NAALADL1: variants seen among roughly 807,000 people sequenced by gnomAD.
NAALADL1 encodes N-acetylated alpha-linked acidic dipeptidase like 1, also known as aminopeptidase NAALADL1.
NAALADL1 carries 77 observed loss-of-function variants against 82.8 expected under a neutral mutation model. That is an observed-to-expected ratio of 0.93 (90% CI 0.77 to 1.12). The LOEUF is 1.12. Ranked by LOEUF, NAALADL1 falls within the 50% of genes most tolerant of loss-of-function variation. The pLI is 0.00. For synonymous variants in NAALADL1, 358 were observed against 399.2 expected (o/e 0.90, Z 1.23); for missense variants, 956 against 964.0 (o/e 0.99, Z 0.11).
chr11:65,058,090 C>A lies in NAALADL1; in HGVS notation c.346G>T (p.Val116Phe). 6.2e-7 allele frequency: 1 copy of A among 1,611,312 alleles called. No individual in the cohort carries two copies. Among genetic ancestry groups the A allele is most frequent in the Non-Finnish European group, 8.5e-7 (1 of 1,178,022 alleles). The change falls in exon 2 of 18, where the codon GTC (valine) becomes TTC (phenylalanine). Residue 116 changes from valine (V) to phenylalanine (F), a missense_variant. Val to Phe is a conservative substitution (Grantham distance 50). Transcript: ENST00000358658. ...LSFPSQEQPNVVDIVGPTGGI... is the reference protein window; with the variant it reads ...LSFPSQEQPNFVDIVGPTGGI... ...GGCAGGACCTCACCGATGTCCACGA[C>A]GTTGGGCTGCTCCTGGCTAGGGAAG...
At position 65,054,394 on chromosome 11, in the gene NAALADL1, G is replaced by T. The variant is rs372337247; in HGVS notation, c.888-40C>A. ...GAGGCCCTTCAGGGTAAATGTGAGT[G>T]TGGGGCTTGAAGTCTGGAGGCCACT... On this transcript the variant is annotated intron_variant, in intron 5 of 17. Coordinates refer to ENST00000358658, the MANE Select transcript of NAALADL1 (RefSeq NM_005468.3). This position sits in a 1 kb window ranked among gnomAD's most constrained non-coding sequence, Gnocchi z 4.3. The T allele has an allele frequency of 1.2e-6, 2 of 1,612,608 alleles. No individual in the cohort carries two copies. The highest frequency in any genetic ancestry group is 2.7e-5 in the African/African-American group (2 of 74,878).
chr11:65,047,798 G>A (rs1946774454), intron 11 of NAALADL1, 60 bp from the exon 12 acceptor site: 5 of 1,527,630 alleles, frequency 3.3e-6, no homozygotes, highest in Non-Finnish European at 4.4e-6. Flanking sequence ...ACAACAGGGC[G>A]GGTTCTCCAC....
Position 65,053,564 on chromosome 11 carries a change from C to CA in NAALADL1, c.1004dup (p.Ser336GlufsTer25), listed in dbSNP as rs1447010530. The CA allele has an allele frequency of 6.2e-7, 1 of 1,602,222 alleles. No individual in the cohort carries two copies. Among genetic ancestry groups the CA allele is most frequent in the African/African-American group, 1.3e-5 (1 of 74,686 alleles). ...TCAGCTCCAGGCGGTTGTAGACGCTCACATTCACCTGGCTGGGGAGGGTGA... is the reference window on the plus strand; with the variant it reads ...TCAGCTCCAGGCGGTTGTAGACGCTCAACATTCACCTGGCTGGGGAGGGTGA... On this transcript the variant is annotated frameshift_variant, in exon 7 of 18. Transcript: ENST00000358658. LOFTEE classifies it high-confidence loss of function. The surrounding 1 kb of genome is among the most constrained non-coding windows in gnomAD (Gnocchi z 4.3).
In NAALADL1 at chr11:65,051,202, C is replaced by T. The variant is rs576362663; in HGVS notation, c.1198+2016G>A. ...CAGCCTCTCTCCACAAGCTTGTCCA[C>T]TCCCTCCACCCCTGGCTTCTGAGCT... On this transcript the variant is annotated intron_variant, in intron 8 of 17. Coordinates refer to ENST00000358658, the MANE Select transcript of NAALADL1 (RefSeq NM_005468.3). 4.6e-5 allele frequency among the ~76,000 whole-genome samples: 7 copies of T among 152,152 alleles called. No individual in the cohort carries two copies. In the South Asian group the frequency reaches 1.0e-3, roughly 23 times the overall value.
intron 8 of NAALADL1, 88 bp from the exon 9 acceptor site, chr11:65,048,473 G>A: frequency 6.8e-7 from 1 of 1,478,928 alleles, no homozygotes; most frequent in South Asian, 1.2e-5. Context: ...GAGGAGGGGA[G>A]AGCGGGAAAA....
rs10535126 is a variant in NAALADL1, at chr11:65,051,315, C to CTTTTTTT, written c.1198+1896_1198+1902dup. ...AAGTCTCTCTCTCCTTTCTTTCTTT[C>CTTTTTTT]TTTTTTTTTTTTTTTTTTTTTTTTT... On this transcript the variant is annotated intron_variant, in intron 8 of 17. Transcript: ENST00000358658. Among the ~76,000 whole-genome samples the CTTTTTTT allele has an allele frequency of 1.2e-3, 73 of 59,574 alleles. 4 individuals are homozygous for CTTTTTTT. Among genetic ancestry groups the CTTTTTTT allele is most frequent in the African/African-American group, 2.5e-3 (39 of 15,600 alleles). The allele number at this position is 59,574 out of a possible 152,430, so 39.1% of individuals were successfully genotyped here.
In NAALADL1 at chr11:65,058,493, C is replaced by T. The variant is rs1947112438; in HGVS notation, c.29G>A (p.Gly10Glu). 1 of 1,608,856 alleles carries T rather than the reference C, an allele frequency of 6.2e-7. No homozygotes were observed. The highest frequency in any genetic ancestry group is 1.7e-5 in the Admixed American group (1 of 59,500). MQWTKVLGL[G>E]LGAAALLGLG... ...CCCCAAGAGGGCAGCAGCCCCCAGC[C>T]CCAGCCCCAACACCTTCGTCCACTG... The change falls in exon 1 of 18, where the codon GGG becomes GAG. Residue 10 changes from glycine (G) to glutamate (E), a missense_variant. Coordinates refer to ENST00000358658, the MANE Select transcript of NAALADL1 (RefSeq NM_005468.3).
Position 65,053,158 on chromosome 11 carries a change from G to A in NAALADL1, c.1198+60C>T, listed in dbSNP as rs537770260. The stretch of plus-strand genomic sequence containing the variant: ...ACTGCAGTGTGAGGGAGAGGAGGTG[G>A]AACAGGAAGGGGACCTCCGGGGGCG... On this transcript the variant is annotated intron_variant, in intron 8 of 17. Transcript: ENST00000358658. This position sits in a 1 kb window ranked among gnomAD's most constrained non-coding sequence, Gnocchi z 4.3. 4 of 1,483,812 alleles carry A rather than the reference G, an allele frequency of 2.7e-6. No homozygotes were observed. Among genetic ancestry groups the A allele is most frequent in the Admixed American group, 4.8e-5 (2 of 41,440 alleles). The allele number at this position is 1,483,812 out of a possible 1,614,324, so 91.9% of individuals were successfully genotyped here. A position where few individuals can be genotyped will look rare whatever the true frequency, so the allele number is the denominator to read the frequency against.
intron 8 of NAALADL1, among the ~76,000 whole-genome samples, chr11:65,049,839 C>A (rs1159000745): frequency 6.6e-6 from 1 of 152,138 alleles, no homozygotes; most frequent in African/African-American, 2.4e-5. Context: ...CCACTGCACT[C>A]CAGGCTGGGC....
rs778959484 is a variant in NAALADL1, at chr11:65,046,012, G to T, written c.1943+15C>A. The T allele has an allele frequency of 1.2e-6, 2 of 1,612,826 alleles. No homozygotes were observed. The highest frequency in any genetic ancestry group is 1.7e-6 in the Non-Finnish European group (2 of 1,179,574). ...GGTGCTGCCCTCCCAGCCCCTGCCCGCTGCCCTTGCTCACTCAGGGCTGCC... is the reference window on the plus strand; with the variant it reads ...GGTGCTGCCCTCCCAGCCCCTGCCCTCTGCCCTTGCTCACTCAGGGCTGCC... On this transcript the variant is annotated intron_variant, in intron 16 of 17. Coordinates refer to ENST00000358658, the MANE Select transcript of NAALADL1 (RefSeq NM_005468.3).
chr11:65,045,520 G>A (rs1013077358), intron 17 of NAALADL1, 63 bp from the exon 18 acceptor site: 3 of 1,482,022 alleles, frequency 2.0e-6, no homozygotes, highest in African/African-American at 2.8e-5. Flanking sequence ...GAGAAGCCTG[G>A]GCCTAGAACT....
Position 65,045,242 on chromosome 11 carries a change from A to G in NAALADL1, c.*29T>C. 6.3e-7 allele frequency: 1 copy of G among 1,598,498 alleles called. No homozygotes were observed. The highest frequency in any genetic ancestry group is 8.5e-7 in the Non-Finnish European group (1 of 1,171,412). ...AAGCAGGCAGGAGAGGGTTGGAGTAAAGGGAGGGCTGAAGAAAGAGGGCTG... is the reference window on the plus strand; with the variant it reads ...AAGCAGGCAGGAGAGGGTTGGAGTAGAGGGAGGGCTGAAGAAAGAGGGCTG... On this transcript the variant is annotated 3_prime_UTR_variant, in exon 18 of 18. Coordinates refer to ENST00000358658, the MANE Select transcript of NAALADL1 (RefSeq NM_005468.3).
upstream of NAALADL1, among the ~76,000 whole-genome samples, chr11:65,061,123 C>T (rs769627566): frequency 6.6e-6 from 1 of 152,200 alleles, no homozygotes; most frequent in Non-Finnish European, 1.5e-5. Context: ...GCTTCTTCTG[C>T]GCCTGCACCC....
chr11:65,046,651 C>G (rs1314500049), intron 13 of NAALADL1, 125 bp from the exon 14 acceptor site: 7 of 901,058 alleles, frequency 7.8e-6, no homozygotes, highest in South Asian at 1.5e-5. Flanking sequence ...GAGGTGGCTT[C>G]TAGAATTCCC....
At position 65,053,211 on chromosome 11, in the gene NAALADL1, G is replaced by A. The variant is rs146216966; in HGVS notation, c.1198+7C>T. 1,221 of 1,535,430 alleles carry A rather than the reference G, an allele frequency of 8.0e-4. 1 individual carries two copies. Among genetic ancestry groups the A allele is most frequent in the African/African-American group, 6.3e-3 (456 of 72,922 alleles). On this transcript the variant is annotated splice_region_variant and intron_variant, in intron 8 of 17. Transcript: ENST00000358658. This position sits in a 1 kb window ranked among gnomAD's most constrained non-coding sequence, Gnocchi z 4.3. ...GGTCCCTGGTCCAGGGGAGGGGGCC[G>A]CCTCACCCTTCTTCAGCAGGGTCCC...
In NAALADL1 at chr11:65,055,040, C is replaced by T. The variant is rs1047288128; in HGVS notation, c.604-302G>A. On this transcript the variant is annotated intron_variant, in intron 4 of 17. Transcript: ENST00000358658. Reference sequence around the variant, plus strand: ...ATGTCCACAGCAGCATTATCCTCAACGGCCAAAAGGAGGAAATAGCCCAAG... The same window carrying T: ...ATGTCCACAGCAGCATTATCCTCAATGGCCAAAAGGAGGAAATAGCCCAAG... 5.3e-5 allele frequency among the ~76,000 whole-genome samples: 8 copies of T among 152,328 alleles called. No individual in the cohort carries two copies. The East Asian group carries it at 7.7e-4, about 15-fold the overall frequency.
chr11:65,046,244 C>A lies in NAALADL1; in HGVS notation c.1800G>T (p.Leu600=), dbSNP rs768574172. 160 of 1,614,028 alleles carry A rather than the reference C, an allele frequency of 9.9e-5. No homozygotes were observed. In the Admixed American group the frequency reaches 2.3e-3, roughly 23 times the overall value. Residue 600 remains leucine (L), a synonymous_variant, in exon 15 of 18, where the codon CTG becomes CTT. Coordinates refer to ENST00000358658, the MANE Select transcript of NAALADL1 (RefSeq NM_005468.3). ...SDYSETLRSF[L]QAAQQDLGAL... ...CCCCAAGATCTTGCTGGGCTGCCTG[C>A]AGGAAGCTGCGGAGTGTCTCACTGT...
At chr11:65,050,258 C>T (rs989339101) in intron 8 of NAALADL1, among the ~76,000 whole-genome samples, 1 of 151,858 alleles carries the variant, frequency 6.6e-6, no homozygotes, top group Non-Finnish European at 1.5e-5. Context: ...GTGGGCGGAT[C>T]ACGAGGTCAG....
chr11:65,048,855 CG>C (rs1946812151), intron 8 of NAALADL1, among the ~76,000 whole-genome samples: 1 of 152,180 alleles, frequency 6.6e-6, no homozygotes. Flanking sequence ...CAGGGTCACA[CG>C]GCTGGTAGGC....
Sources: gnomAD v4.1 joint callset for allele counts (sites outside exome capture counted in the v4.1 genomes callset) on GRCh38, gnomAD v4.1.1 for gene constraint, Gnocchi (gnomAD v3.1) non-coding constraint, MANE v1.5 for transcripts, NCBI Gene and HGNC (gene_info 2026-07-23, HGNC 2026-07-21) for gene names.